GRIP1: variants seen among roughly 807,000 people sequenced by gnomAD.
GRIP1 encodes the protein glutamate receptor interacting protein 1.
A neutral mutation model predicts 129.9 loss-of-function variants in GRIP1; 45 were observed. The observed-to-expected ratio is 0.35, with a 90% CI of 0.27 to 0.44. The LOEUF is 0.44. GRIP1 is among the 20% of genes least tolerant of loss of function. GRIP1 has a pLI of 1.00. For synonymous variants in GRIP1, 530 were observed against 520.8 expected (o/e 1.02, Z -0.24); for missense variants, 1,196 against 1,396.8 (o/e 0.86, Z 2.29).
At chr12:66,729,765 G>A (rs765502854) in intron 1 of GRIP1, among the ~76,000 whole-genome samples, 4 of 152,018 alleles carry the variant, frequency 2.6e-5, no homozygotes, top group South Asian at 2.1e-4. Flanking sequence ...TAGTAGAGAC[G>A]GGGTTTCCCC....
intron 1 of GRIP1, among the ~76,000 whole-genome samples, chr12:66,827,276 A>G (rs1044086209): frequency 6.6e-6 from 1 of 151,742 alleles, no homozygotes; most frequent in African/African-American, 2.4e-5. Context: ...AAGCATACTC[A>G]GAATGTTTGC....
intron 1 of GRIP1, among the ~76,000 whole-genome samples, chr12:66,888,896 G>T (rs2040610390): frequency 6.6e-6 from 1 of 152,186 alleles, no homozygotes; most frequent in Non-Finnish European, 1.5e-5. Context: ...TCAAATCTGA[G>T]TAAGAGTGCC....
chr12:66,950,012 G>A (rs1045181138), intron 1 of GRIP1, among the ~76,000 whole-genome samples: 36 of 151,406 alleles, frequency 2.4e-4, no homozygotes, highest in African/African-American at 8.0e-4. Context: ...TCCTGACCTC[G>A]TGATCCACCC....
chr12:67,030,005 C>A (rs1382630896), intron 1 of GRIP1, among the ~76,000 whole-genome samples: 2 of 149,700 alleles, frequency 1.3e-5, no homozygotes, highest in African/African-American at 4.9e-5. Context: ...TGGAGACCAT[C>A]CTGGATAACA....
chr12:66,527,604 A>G (rs1320268229), intron 5 of GRIP1, among the ~76,000 whole-genome samples: 1 of 152,122 alleles, frequency 6.6e-6, no homozygotes, highest in East Asian at 1.9e-4. Flanking sequence ...CAGCACACCA[A>G]CATGGCACAT....
chr12:66,652,033 G>T (rs2032831851), intron 1 of GRIP1, among the ~76,000 whole-genome samples: 1 of 152,166 alleles, frequency 6.6e-6, no homozygotes, highest in Non-Finnish European at 1.5e-5. Context: ...TAATGGAAGA[G>T]AAGTATTCTG....
intron 1 of GRIP1, among the ~76,000 whole-genome samples, chr12:66,730,097 TCA>T (rs1346934971): frequency 2.6e-5 from 4 of 152,198 alleles, no homozygotes; most frequent in African/African-American, 7.2e-5. Context: ...GCAGACTGAC[TCA>T]TATATAATAG....
intron 1 of GRIP1, among the ~76,000 whole-genome samples, chr12:66,865,503 T>C (rs1212209429): frequency 6.6e-6 from 1 of 151,888 alleles, no homozygotes; most frequent in African/African-American, 2.4e-5. Context: ...AGAAATATGT[T>C]ATTTTCTAGC....
intron 23 of GRIP1, among the ~76,000 whole-genome samples, chr12:66,360,371 T>C (rs1317713671): frequency 1.3e-5 from 2 of 152,100 alleles, no homozygotes; most frequent in Admixed American, 6.5e-5. Context: ...AACCTGTCAG[T>C]TGGCTTTGCA....
chr12:66,669,636 A>T (rs2033978357), intron 1 of GRIP1, among the ~76,000 whole-genome samples: 1 of 152,210 alleles, frequency 6.6e-6, no homozygotes, highest in Admixed American at 6.5e-5. Flanking sequence ...AGGAGTACCT[A>T]TTCAGTGGTG....
At chr12:66,455,852 G>T (rs192820240) in intron 10 of GRIP1, among the ~76,000 whole-genome samples, 26 of 152,272 alleles carry the variant, frequency 1.7e-4, no homozygotes, top group Admixed American at 1.0e-3. Context: ...ACAACTCAAT[G>T]CATCAGATAC....
chr12:66,438,330 T>C (rs2058371194), intron 13 of GRIP1, among the ~76,000 whole-genome samples: 5 of 152,112 alleles, frequency 3.3e-5, no homozygotes, highest in Admixed American at 2.0e-4. Flanking sequence ...GAAACTTGTC[T>C]ATAGGGACAA....
rs1565824968 is a variant in GRIP1, at chr12:66,524,243, C to A, written c.502+5588G>T. On this transcript the variant is annotated intron_variant, in intron 5 of 24. Transcript: ENST00000359742. ...AATATACATTTTTTTCAGCACCACA[C>A]TGCACCTATTCCAAAATTGACCACA... 3.3e-5 allele frequency among the ~76,000 whole-genome samples: 5 copies of A among 152,288 alleles called. 1 individual carries two copies. Among genetic ancestry groups the A allele is most frequent in the South Asian group, 4.1e-4 (2 of 4,828 alleles).
At chr12:67,054,236 C>T (rs1282894908) in intron 1 of GRIP1, among the ~76,000 whole-genome samples, 2 of 152,192 alleles carry the variant, frequency 1.3e-5, no homozygotes, top group African/African-American at 2.4e-5. Flanking sequence ...AATCATTTCT[C>T]TTATGCTCTT....
chr12:66,937,835 A>G (rs1433117389), intron 1 of GRIP1, among the ~76,000 whole-genome samples: 1 of 152,172 alleles, frequency 6.6e-6, no homozygotes, highest in Admixed American at 6.5e-5. Flanking sequence ...TGGTCATAGT[A>G]AAGATTACAA....
intron 1 of GRIP1, among the ~76,000 whole-genome samples, chr12:66,724,732 C>G (rs141958484): frequency 9.8e-5 from 15 of 152,312 alleles, no homozygotes; most frequent in Non-Finnish European, 1.8e-4. Flanking sequence ...CTCCCACTCA[C>G]AGTTGACCAC....
chr12:66,464,637 C>A (rs1479845675), intron 8 of GRIP1, among the ~76,000 whole-genome samples: 2 of 152,110 alleles, frequency 1.3e-5, no homozygotes, highest in Non-Finnish European at 2.9e-5. Context: ...GGCTAGTGCC[C>A]TAGGACACAG....
chr12:66,479,323 A>T (rs1233388455), intron 7 of GRIP1, among the ~76,000 whole-genome samples: 1 of 152,214 alleles, frequency 6.6e-6, no homozygotes, highest in African/African-American at 2.4e-5. Context: ...ATCTAGAAGA[A>T]ATGGATAAAT....
upstream of GRIP1, among the ~76,000 whole-genome samples, chr12:66,806,642 T>C (rs1195435837): frequency 6.6e-6 from 1 of 152,104 alleles, no homozygotes; most frequent in Non-Finnish European, 1.5e-5. Context: ...AACATTTCAC[T>C]AGAGTTTGAT....
Sources: allele counts gnomAD v4.1 joint callset (sites outside exome capture counted in the v4.1 genomes callset), GRCh38; gene constraint gnomAD v4.1.1; transcripts MANE v1.5; gene names NCBI Gene and HGNC (gene_info 2026-07-23, HGNC 2026-07-21).